Variants in ITGA5 observed in about 807,000 individuals in gnomAD.
The protein encoded by ITGA5 is integrin alpha-5.
ITGA5 carries 55 observed loss-of-function variants against 146.3 expected under a neutral mutation model. The observed-to-expected ratio is 0.38, with a 90% CI of 0.30 to 0.47. ITGA5 has a LOEUF of 0.47. Ranked by LOEUF, ITGA5 falls within the 20% of genes least tolerant of loss-of-function variation. ITGA5 has a pLI of 0.99. For synonymous variants in ITGA5, 500 were observed against 531.8 expected (o/e 0.94, Z 0.82); for missense variants, 1,131 against 1,329.0 (o/e 0.85, Z 2.32).
chr12:54,415,890 T>C (rs908809138), intron 1 of ITGA5, among the ~76,000 whole-genome samples: 1 of 152,044 alleles, frequency 6.6e-6, no homozygotes, highest in African/African-American at 2.4e-5. Context: ...GGAGCTGAGC[T>C]GAGACTGGCC....
At chr12:54,411,387 T>G (rs1955942044) in intron 2 of ITGA5, among the ~76,000 whole-genome samples, 1 of 152,226 alleles carries the variant, frequency 6.6e-6, no homozygotes, top group Non-Finnish European at 1.5e-5. Flanking sequence ...AGTCTCCATC[T>G]TCCTCCCATC....
chr12:54,409,016 G>A lies in ITGA5; in HGVS notation c.584-62C>T. On this transcript the variant is annotated intron_variant, in intron 4 of 29. Coordinates refer to ENST00000293379, the MANE Select transcript of ITGA5 (RefSeq NM_002205.5). The surrounding 1 kb of genome is among the most constrained non-coding windows in gnomAD (Gnocchi z 4.7). The stretch of plus-strand genomic sequence containing the variant: ...TAGATGGGTCATCCAGGAAAGAAGA[G>A]AGGGCATAGGGAAGGAGGTGGGAGA... 2 of 1,532,926 alleles carry A rather than the reference G, an allele frequency of 1.3e-6. No homozygotes were observed. Among genetic ancestry groups the A allele is most frequent in the Non-Finnish European group, 1.8e-6 (2 of 1,109,114 alleles). The allele number at this position is 1,532,926 out of a possible 1,614,324, so 95.0% of individuals were successfully genotyped here.
At position 54,403,621 on chromosome 12, in the gene ITGA5, A is replaced by G. The variant is rs1387815215; in HGVS notation, c.1776+4T>C. 4.3e-6 allele frequency: 7 copies of G among 1,612,848 alleles called. No individual in the cohort carries two copies. The highest frequency in any genetic ancestry group is 4.0e-5 in the African/African-American group (3 of 74,866). ...CAGTCCACACCCCGCCCTCTGGGCC[A>G]TACCCTGAGGTAGATCTTCATCTCT... On this transcript the variant is annotated splice_donor_region_variant and intron_variant, in intron 17 of 29. Coordinates refer to ENST00000293379, the MANE Select transcript of ITGA5 (RefSeq NM_002205.5). This position sits in a 1 kb window ranked among gnomAD's most constrained non-coding sequence, Gnocchi z 4.9.
chr12:54,401,850 C>A lies in ITGA5; in HGVS notation c.2232G>T (p.Trp744Cys). The change falls in exon 22 of 30, where the codon TGG (tryptophan) becomes TGT (cysteine). Residue 744 changes from tryptophan to cysteine, a missense_variant. By Grantham distance (215) the Trp-to-Cys change is radical. Around this residue, in one of 3 missense-constraint regions of ITGA5, gnomAD observed 889 missense variants for 1,021.5 expected, o/e 0.87. Transcript: ENST00000293379. This position sits in a 1 kb window ranked among gnomAD's most constrained non-coding sequence, Gnocchi z 5.0. ...GNPMKAGASL[W>C]GGLRFTVPHL... ...GAGGGACTGTAAACCGAAGGCCACC[C>A]CACAGCTGGGGACAGAAAAAGAGGA... is the stretch of plus-strand genomic sequence containing the variant. The A allele has an allele frequency of 6.2e-7, 1 of 1,614,124 alleles. No individual in the cohort carries two copies. Among genetic ancestry groups the A allele is most frequent in the South Asian group, 1.1e-5 (1 of 91,088 alleles).
intron 9 of ITGA5, chr12:54,406,217 G>A (rs1262904508): frequency 1.2e-5 from 6 of 486,876 alleles, no homozygotes; most frequent in Non-Finnish European, 2.2e-5. Context: ...ATAGGGGCAG[G>A]AACTTGATTT....
At position 54,402,257 on chromosome 12, in the gene ITGA5, C is replaced by G. The variant is rs1365748798; in HGVS notation, c.2056G>C (p.Gly686Arg). 6.2e-7 allele frequency: 1 copy of G among 1,614,162 alleles called. No homozygotes were observed. The highest frequency in any genetic ancestry group is 1.1e-5 in the South Asian group (1 of 91,072). The stretch of plus-strand genomic sequence containing the variant: ...CGAAGCTCAGCCTCATAGGCGCCAC[C>G]CTCACCCACATTCTGGGCATGGAAA... The part of the protein sequence containing the change: ...LTFHAQNVGE[G>R]GAYEAELRVT... The change falls in exon 20 of 30, where the codon GGT becomes CGT. Residue 686 changes from glycine to arginine, a missense_variant. Around this residue, in one of 3 missense-constraint regions of ITGA5, gnomAD observed 889 missense variants for 1,021.5 expected, o/e 0.87. Transcript: ENST00000293379.
Position 54,409,100 on chromosome 12 carries a change from G to C in ITGA5, c.583+132C>G. The C allele has an allele frequency of 2.1e-6, 3 of 1,419,848 alleles. No homozygotes were observed. The highest frequency in any genetic ancestry group is 2.3e-5 in the East Asian group (1 of 43,806). 88.0% of individuals were successfully genotyped at this position (1,419,848 alleles called of 1,614,324 possible). A position where few individuals can be genotyped will look rare whatever the true frequency, so the allele number is the denominator to read the frequency against. On this transcript the variant is annotated intron_variant, in intron 4 of 29. Transcript: ENST00000293379. The surrounding 1 kb of genome is among the most constrained non-coding windows in gnomAD (Gnocchi z 4.7). ...AGTAAGCATAAAGGCTAACGAACTG[G>C]GTTAGCCTTTATCTTAAGCAACCTA...
At position 54,409,036 on chromosome 12, in the gene ITGA5, G is replaced by T; in HGVS notation, c.584-82C>A. ...GAAGAGAGGGCATAGGGAAGGAGGT[G>T]GGAGAGAGAACCAGAGAAAGGGCCT... On this transcript the variant is annotated intron_variant, in intron 4 of 29. Coordinates refer to ENST00000293379, the MANE Select transcript of ITGA5 (RefSeq NM_002205.5). The surrounding 1 kb of genome is among the most constrained non-coding windows in gnomAD (Gnocchi z 4.7). The T allele has an allele frequency of 2.0e-6, 3 of 1,475,544 alleles. No individual in the cohort carries two copies. The highest frequency in any genetic ancestry group is 1.9e-6 in the Non-Finnish European group (2 of 1,061,172). The allele number at this position is 1,475,544 out of a possible 1,614,324, so 91.4% of individuals were successfully genotyped here. A position where few individuals can be genotyped will look rare whatever the true frequency, so the allele number is the denominator to read the frequency against.
rs147391612 is a variant in ITGA5, at chr12:54,411,943, T to C, written c.240A>G (p.Ala80=). 37 of 1,600,926 alleles carry C rather than the reference T, an allele frequency of 2.3e-5. No homozygotes were observed. The African/African-American group carries it at 4.8e-4, about 21-fold the overall frequency. The change falls in exon 2 of 30, where the codon GCA becomes GCG. Residue 80 remains alanine (A), a synonymous_variant. Transcript: ENST00000293379. ...GTDGVSVLVG[A]PKANTSQPGV... is the part of the protein sequence containing the mutation. ...CTGGCTGGCTGGTATTAGCCTTGGG[T>C]GCTCCCACCAGCACACTGACCCTGT...
At position 54,409,221 on chromosome 12, in the gene ITGA5, C is replaced by T. The variant is rs1955908746; in HGVS notation, c.583+11G>A. 6.2e-7 allele frequency: 1 copy of T among 1,605,860 alleles called. No homozygotes were observed. Among genetic ancestry groups the T allele is most frequent in the Non-Finnish European group, 8.5e-7 (1 of 1,176,436 alleles). ...GGCAGACATGGGGCACAGGCCCCCT[C>T]TTGCCCCTACCTGAGCGGCAGGGTG... is the stretch of plus-strand genomic sequence containing the variant. On this transcript the variant is annotated intron_variant, in intron 4 of 29. Transcript: ENST00000293379. This position sits in a 1 kb window ranked among gnomAD's most constrained non-coding sequence, Gnocchi z 4.7.
Position 54,396,253 on chromosome 12 carries a change from G to C in ITGA5, c.*40C>G, listed in dbSNP as rs754402439. On this transcript the variant is annotated 3_prime_UTR_variant, in exon 30 of 30. Coordinates refer to ENST00000293379, the MANE Select transcript of ITGA5 (RefSeq NM_002205.5). ...CTTTTCAGTAGAATGAGGGTGGGGG[G>C]ACTGGTTCTTCAGGAATGGGAGTCT... 2.0e-6 allele frequency: 3 copies of C among 1,475,818 alleles called. No homozygotes were observed. Among genetic ancestry groups the C allele is most frequent in the African/African-American group, 1.4e-5 (1 of 72,076 alleles). The allele number at this position is 1,475,818 out of a possible 1,614,324, so 91.4% of individuals were successfully genotyped here. A position where few individuals can be genotyped will look rare whatever the true frequency, so the allele number is the denominator to read the frequency against.
At chr12:54,418,784 G>A (rs1177956573) in intron 1 of ITGA5, among the ~76,000 whole-genome samples, 197 bp downstream of exon 1, 1 of 151,886 alleles carries the variant, frequency 6.6e-6, no homozygotes, top group Non-Finnish European at 1.5e-5. Flanking sequence ...AAACGCCAGG[G>A]CCCCTCCTCA....
intron 19 of ITGA5, among the ~76,000 whole-genome samples, chr12:54,402,648 C>G (rs967733126): frequency 2.6e-5 from 4 of 151,166 alleles, no homozygotes; most frequent in African/African-American, 9.7e-5. Flanking sequence ...TGCAGTGAGC[C>G]GAGATTGCGC....
At chr12:54,405,486 G>A in intron 11 of ITGA5, 112 bp from the exon 12 acceptor site, 2 of 1,038,450 alleles carry the variant, frequency 1.9e-6, no homozygotes, top group Non-Finnish European at 2.8e-6. Flanking sequence ...GAAGACCTGA[G>A]GTCTCTGATC....
chr12:54,407,415 C>T (rs553133801), intron 9 of ITGA5: 89 of 575,524 alleles, frequency 1.5e-4, no homozygotes, highest in African/African-American at 5.0e-4. Flanking sequence ...GAGGTCAGAA[C>T]GATTGTTATC....
intron 27 of ITGA5, 106 bp from the exon 28 acceptor site, chr12:54,398,804 A>ATTCTTCCT (rs1955747370): frequency 4.0e-6 from 2 of 500,524 alleles, no homozygotes; most frequent in Non-Finnish European, 6.8e-6. Context: ...TTTTGGGCTC[A>ATTCTTCCT]TTCTTCCTGA....
At chr12:54,410,400 C>T (rs2120545671) in intron 2 of ITGA5, among the ~76,000 whole-genome samples, 1 of 146,150 alleles carries the variant, frequency 6.8e-6, no homozygotes, top group African/African-American at 2.6e-5. Context: ...GGCTGGAGTG[C>T]AGTGGCGTGA....
rs749969293 is a variant in ITGA5, at chr12:54,403,280, A to T, written c.1821T>A (p.Ala607=). Residue 607 remains alanine, a synonymous_variant, in exon 18 of 30, where the codon GCT becomes GCA. Transcript: ENST00000293379. The surrounding 1 kb of genome is among the most constrained non-coding windows in gnomAD (Gnocchi z 4.9). ...FRDKLSPIHI[A]LNFSLDPQAP... is the part of the protein sequence containing the mutation. ...CTTGGGGGTCCAAGGAGAAGTTGAG[A>T]GCGATGTGAATCGGCGAGAGTTTGT... is the stretch of plus-strand genomic sequence containing the variant. 6.4e-7 allele frequency: 1 copy of T among 1,558,326 alleles called. No homozygotes were observed. Among genetic ancestry groups the T allele is most frequent in the Non-Finnish European group, 8.7e-7 (1 of 1,155,236 alleles).
intron 25 of ITGA5, chr12:54,400,193 T>A (rs922244109): frequency 2.0e-6 from 1 of 506,950 alleles, no homozygotes; most frequent in African/African-American, 1.9e-5. Flanking sequence ...GTTCCTGTTT[T>A]TGCACTGGAT....
Sources: allele counts gnomAD v4.1 joint callset (sites outside exome capture counted in the v4.1 genomes callset), GRCh38; gene constraint gnomAD v4.1.1; regional missense constraint gnomAD v4.1.1; non-coding constraint Gnocchi (gnomAD v3.1); transcripts MANE v1.5; gene names NCBI Gene and HGNC (gene_info 2026-07-23, HGNC 2026-07-21).